Variants in VIP observed in about 807,000 individuals in gnomAD.
VIP encodes vasoactive intestinal peptide, also known as VIP peptides.
VIP carries 18 observed loss-of-function variants against 20.1 expected under a neutral mutation model. The ratio of observed to expected loss-of-function variants is 0.90; its 90% confidence interval spans 0.62 to 1.33. The LOEUF (loss-of-function observed/expected upper bound fraction) is 1.33. VIP is among the 40% of genes most tolerant of loss of function. The probability of loss-of-function intolerance (pLI) is 0.00; values close to 1 mark genes in which losing one functional copy is unlikely to be tolerated. For missense variants in VIP, 209 were observed against 199.4 expected, an observed-to-expected ratio of 1.05 and a Z score of -0.29; for synonymous variants, 70 against 68.1, an observed-to-expected ratio of 1.03 and a Z score of -0.14.
At chr6:152,754,768 T>C (rs1025190798) in intron 3 of VIP, among the ~76,000 whole-genome samples, 5 of 151,914 alleles carry the variant, frequency 3.3e-5, no homozygotes, top group African/African-American at 1.2e-4. Context: ...AAAGGTGGGA[T>C]GATAGGCCTT....
At chr6:152,752,827 T>G (rs1049171885) in intron 2 of VIP, among the ~76,000 whole-genome samples, 6 of 152,092 alleles carry the variant, frequency 3.9e-5, no homozygotes, top group Non-Finnish European at 1.5e-5. Flanking sequence ...AATAGGAAAA[T>G]TTTGATATAC....
chr6:152,754,561 C>G (rs990413882), intron 3 of VIP, among the ~76,000 whole-genome samples: 5 of 151,910 alleles, frequency 3.3e-5, no homozygotes, highest in African/African-American at 1.2e-4. Flanking sequence ...TGTACCAATT[C>G]TGATAAAAGT....
At chr6:152,754,055 C>A in intron 2 of VIP, 111 bp from the exon 3 acceptor site, 1 of 1,189,606 alleles carries the variant, frequency 8.4e-7, no homozygotes, top group Non-Finnish European at 1.1e-6. Flanking sequence ...CATATTATGA[C>A]TGGGTAATAC....
rs572295071 is a variant in VIP at position 152,757,848 on chromosome 6, AT to A, written c.*43+668del. Among the ~76,000 whole-genome samples the A allele has an allele frequency of 1.5e-3, 232 of 152,010 alleles. 1 individual carries two copies. The highest frequency in any genetic ancestry group is 5.3e-3 in the African/African-American group (221 of 41,512). On this transcript the variant is annotated intron_variant, in intron 6 of 6. Coordinates refer to ENST00000367244, the MANE Select transcript of VIP (RefSeq NM_003381.4). ...AGTAATAAGCTTGCTATCAAAATTG[AT>A]TTTATATAAATGTGGGTTCAAGACA...
Position 152,754,271 on chromosome 6 carries a change from C to T in VIP, c.213C>T (p.Pro71=). The T allele has an allele frequency of 1.9e-6, 3 of 1,609,942 alleles. No individual in the cohort carries two copies. Among genetic ancestry groups the T allele is most frequent in the Non-Finnish European group, 1.7e-6 (2 of 1,177,840 alleles). The change falls in exon 3 of 7, where the codon CCC becomes CCT. Residue 71 remains proline, a synonymous_variant. Transcript: ENST00000367244. ...LQNALAENDT[P]YYDVSRNARH... ...ATGCATTAGCTGAAAATGACACACC[C>T]TATTATGATGTATCCAGGTGAGTTT...
chr6:152,751,918 C>G (rs1002943222), intron 1 of VIP, among the ~76,000 whole-genome samples: 2 of 152,050 alleles, frequency 1.3e-5, no homozygotes, highest in African/African-American at 4.8e-5. Flanking sequence ...GTATGGCATT[C>G]AATAGATACT....
chr6:152,757,114 C>A lies in VIP; in HGVS notation c.486C>A (p.Pro162=). 3.1e-6 allele frequency: 5 copies of A among 1,611,676 alleles called. No individual in the cohort carries two copies. The highest frequency in any genetic ancestry group is 2.2e-5 in the East Asian group (1 of 44,746). ...TCTGCAGCAGTGAGGGAGAATCTCC[C>A]GACTTTCCAGAAGAGTTAGAAAAAT... ...NGKRSSEGES[P]DFPEELEK The change falls in exon 6 of 7, where the codon CCC becomes CCA. Residue 162 remains proline, a synonymous_variant. Transcript: ENST00000367244.
chr6:152,752,497 G>A (rs2099729795), intron 2 of VIP, among the ~76,000 whole-genome samples: 1 of 151,810 alleles, frequency 6.6e-6, no homozygotes, highest in Admixed American at 6.6e-5. Flanking sequence ...TCAGTTATTA[G>A]TTTTATGGGC....
intron 4 of VIP, among the ~76,000 whole-genome samples, chr6:152,755,820 T>A (rs7755568): frequency 0.086 from 12,537 of 145,726 alleles, 835 homozygotes; most frequent in African/African-American, 0.19. Context: ...ATGTTTTTTT[T>A]AAAAAAAAAA....
intron 2 of VIP, among the ~76,000 whole-genome samples, chr6:152,753,410 G>C (rs989296528): frequency 6.6e-6 from 1 of 152,048 alleles, no homozygotes; most frequent in Non-Finnish European, 1.5e-5. Flanking sequence ...AGAGTTGCCG[G>C]TGATTGAAAT....
intron 3 of VIP, among the ~76,000 whole-genome samples, chr6:152,754,656 T>C (rs1464870232): frequency 6.6e-6 from 1 of 152,072 alleles, no homozygotes; most frequent in East Asian, 1.9e-4. Context: ...GAGCTGTTCA[T>C]TCATAGAGCT....
intron 3 of VIP, 118 bp from the exon 4 acceptor site, chr6:152,755,151 A>G: frequency 1.8e-6 from 1 of 565,568 alleles, no homozygotes; most frequent in Non-Finnish European, 3.0e-6. Context: ...TTTGAACTTT[A>G]GTTTTAATGA....
At chr6:152,752,144 A>G (rs2129074104) in intron 1 of VIP, 24 bp from the exon 2 acceptor site, 2 of 1,571,500 alleles carry the variant, frequency 1.3e-6, no homozygotes, top group South Asian at 2.2e-5. Flanking sequence ...GGCTGGAAGA[A>G]CTGAGGTGAT....
intron 6 of VIP, 148 bp from the exon 7 acceptor site, chr6:152,758,762 T>C (rs1043702313): frequency 6.6e-6 from 1 of 152,038 alleles, no homozygotes; most frequent in Non-Finnish European, 1.5e-5. Context: ...TCTCTTGGTA[T>C]GTCCCAGGAC....
rs755380893 is a variant in VIP, at chr6:152,755,421, C to A, written c.335+48C>A. The A allele has an allele frequency of 3.4e-6, 4 of 1,164,982 alleles. No homozygotes were observed. In the African/African-American group the frequency reaches 6.4e-5, roughly 19 times the overall value. 72.2% of individuals were successfully genotyped at this position (1,164,982 alleles called of 1,614,324 possible). On this transcript the variant is annotated intron_variant, in intron 4 of 6. Coordinates refer to ENST00000367244, the MANE Select transcript of VIP (RefSeq NM_003381.4). ...ATAAAATATGTTATCATTATTCAAT[C>A]TGAATATTGTATTTTCACTCTTAAC...
intron 4 of VIP, 86 bp downstream of exon 4, chr6:152,755,459 T>C: frequency 3.6e-6 from 3 of 831,590 alleles, no homozygotes; most frequent in Non-Finnish European, 5.2e-6. Context: ...GTTATTTACT[T>C]TGTTTGAAAT....
chr6:152,752,046 C>T lies in VIP; in HGVS notation c.-10-122C>T, dbSNP rs180708019. ...TCATCTTGCAATTTAACTCTTTCTACAAGATGAAAATTACTCTTTACAAAC... is the reference window on the plus strand; with the variant it reads ...TCATCTTGCAATTTAACTCTTTCTATAAGATGAAAATTACTCTTTACAAAC... On this transcript the variant is annotated intron_variant, in intron 1 of 6. Transcript: ENST00000367244. 447 of 600,086 alleles carry T rather than the reference C, an allele frequency of 7.4e-4. 2 individuals are homozygous for T. The highest frequency in any genetic ancestry group is 3.7e-3 in the Middle Eastern group (14 of 3,756). The allele number at this position is 600,086 out of a possible 1,614,324, so 37.2% of individuals were successfully genotyped here. A position where few individuals can be genotyped will look rare whatever the true frequency, so the allele number is the denominator to read the frequency against.
At chr6:152,755,607 C>A (rs767832120) in intron 4 of VIP, among the ~76,000 whole-genome samples, 1 of 151,758 alleles carries the variant, frequency 6.6e-6, no homozygotes, top group Non-Finnish European at 1.5e-5. Context: ...TCTCAAGTAG[C>A]AATCATTTAG....
chr6:152,753,323 A>T (rs377638748), intron 2 of VIP, among the ~76,000 whole-genome samples: 8 of 152,268 alleles, frequency 5.3e-5, no homozygotes, highest in African/African-American at 1.7e-4. Context: ...TCACTGAAAG[A>T]TACACAAGTG....
Sources: gnomAD v4.1 joint callset for allele counts (sites outside exome capture counted in the v4.1 genomes callset) on GRCh38, gnomAD v4.1.1 for gene constraint, MANE v1.5 for transcripts, NCBI Gene and HGNC (gene_info 2026-07-23, HGNC 2026-07-21) for gene names.